Variants in TAFA1 observed in about 807,000 individuals in gnomAD.
TAFA1 encodes the protein TAFA chemokine like family member 1.
TAFA1 carries 4 observed loss-of-function variants against 18.5 expected under a neutral mutation model. The ratio of observed to expected loss-of-function variants is 0.22; its 90% CI spans 0.11 to 0.49. The LOEUF is 0.49. Among genes scored for constraint, TAFA1 ranks in the 20% least tolerant of loss-of-function variants. The pLI is 0.98. For synonymous variants in TAFA1, 56 were observed against 55.2 expected (o/e 1.01, Z -0.06); for missense variants, 147 against 169.0 (o/e 0.87, Z 0.72).
intron 2 of TAFA1, among the ~76,000 whole-genome samples, chr3:68,345,796 G>T (rs560271029): frequency 1.3e-5 from 2 of 152,278 alleles, no homozygotes; most frequent in Admixed American, 6.5e-5. Flanking sequence ...ATCCCATTGA[G>T]AATTTATACC....
intron 2 of TAFA1, among the ~76,000 whole-genome samples, chr3:68,158,694 A>C (rs989031015): frequency 6.6e-6 from 1 of 152,050 alleles, no homozygotes; most frequent in Non-Finnish European, 1.5e-5. Context: ...AGAAGGCCTC[A>C]CTTTGTGATG....
At chr3:68,396,116 T>C (rs2070379659) in intron 2 of TAFA1, among the ~76,000 whole-genome samples, 1 of 152,144 alleles carries the variant, frequency 6.6e-6, no homozygotes, top group Non-Finnish European at 1.5e-5. Flanking sequence ...GTGAGGACTT[T>C]TGATTTTGGT....
rs189746191 is a variant in TAFA1 at position 68,393,885 on chromosome 3, T to C, written c.119-23395T>C. Reference sequence around the variant, plus strand: ...ATCTCAAAATAATAAGAGCTATTTATGACAAAACCACAGCCAATATCATAC... The same window carrying C: ...ATCTCAAAATAATAAGAGCTATTTACGACAAAACCACAGCCAATATCATAC... On this transcript the variant is annotated intron_variant, in intron 2 of 4. Coordinates refer to ENST00000478136, the MANE Select transcript of TAFA1 (RefSeq NM_213609.4). 3.3e-5 allele frequency among the ~76,000 whole-genome samples: 5 copies of C among 152,270 alleles called. No homozygotes were observed. In the East Asian group the frequency reaches 9.6e-4, roughly 29 times the overall value.
intron 2 of TAFA1, among the ~76,000 whole-genome samples, chr3:68,084,083 T>C (rs1278561840): frequency 6.6e-6 from 1 of 152,166 alleles, no homozygotes; most frequent in Non-Finnish European, 1.5e-5. Context: ...GCTAATTGGC[T>C]GGGTACCCTC....
intron 2 of TAFA1, among the ~76,000 whole-genome samples, chr3:68,361,696 T>TAA (rs1216317271): frequency 6.6e-6 from 1 of 151,426 alleles, no homozygotes; most frequent in African/African-American, 2.4e-5. Context: ...CAGAACTGGG[T>TAA]AAGACATGAG....
intron 2 of TAFA1, among the ~76,000 whole-genome samples, chr3:68,244,015 A>AG (rs778571831): frequency 1.2e-4 from 18 of 152,082 alleles, no homozygotes; most frequent in Non-Finnish European, 1.8e-4. Flanking sequence ...TGTGGTTTTA[A>AG]TTTGCATTTT....
intron 2 of TAFA1, among the ~76,000 whole-genome samples, chr3:68,173,145 A>G (rs1373835581): frequency 1.3e-5 from 2 of 152,126 alleles, no homozygotes; most frequent in African/African-American, 4.8e-5. Flanking sequence ...TAAAAAAGCT[A>G]CATTCCATGA....
intron 2 of TAFA1, among the ~76,000 whole-genome samples, chr3:68,065,462 G>A (rs1259153939): frequency 6.6e-6 from 1 of 152,108 alleles, no homozygotes; most frequent in African/African-American, 2.4e-5. Context: ...GACTGATAGG[G>A]TCCCAGTGTC....
At chr3:68,259,329 G>A (rs941719918) in intron 2 of TAFA1, among the ~76,000 whole-genome samples, 1 of 152,108 alleles carries the variant, frequency 6.6e-6, no homozygotes, top group Non-Finnish European at 1.5e-5. Context: ...ACAAGAAAAG[G>A]GATTTAGTTT....
At chr3:68,012,447 G>GA (rs1227306198) in intron 2 of TAFA1, among the ~76,000 whole-genome samples, 1 of 152,076 alleles carries the variant, frequency 6.6e-6, no homozygotes, top group Non-Finnish European at 1.5e-5. Flanking sequence ...TACCCACGAG[G>GA]AAAAATGCCC....
intron 2 of TAFA1, among the ~76,000 whole-genome samples, chr3:68,333,352 A>G (rs1348044174): frequency 1.3e-5 from 2 of 152,216 alleles, no homozygotes; most frequent in Admixed American, 6.5e-5. Flanking sequence ...GGATGAAGGT[A>G]GAGACCTTTA....
chr3:68,419,458 A>G (rs1322014143), intron 3 of TAFA1, among the ~76,000 whole-genome samples: 8 of 152,292 alleles, frequency 5.3e-5, no homozygotes, highest in Admixed American at 2.0e-4. Context: ...CCAAATTTAG[A>G]CCACCACCTT....
intron 2 of TAFA1, among the ~76,000 whole-genome samples, chr3:68,397,537 C>T (rs550899271): frequency 1.3e-5 from 2 of 152,270 alleles, no homozygotes; most frequent in East Asian, 1.9e-4. Flanking sequence ...TTTATATGTG[C>T]CACATTTTCT....
chr3:68,010,796 T>G (rs139332002), intron 2 of TAFA1, among the ~76,000 whole-genome samples: 2 of 152,318 alleles, frequency 1.3e-5, no homozygotes, highest in African/African-American at 4.8e-5. Context: ...AAGTTTTTAT[T>G]TGGGGAATGA....
intron 2 of TAFA1, among the ~76,000 whole-genome samples, chr3:68,116,629 G>T (rs1370583002): frequency 6.6e-6 from 1 of 152,078 alleles, no homozygotes; most frequent in Non-Finnish European, 1.5e-5. Flanking sequence ...CTAGTTTCAG[G>T]TCATCAAAAT....
chr3:68,298,339 T>C (rs1444810778), intron 2 of TAFA1, among the ~76,000 whole-genome samples: 2 of 152,086 alleles, frequency 1.3e-5, no homozygotes, highest in African/African-American at 2.4e-5. Flanking sequence ...AGACTATAAA[T>C]AACCATGGAC....
chr3:68,309,127 C>A (rs542850855), intron 2 of TAFA1, among the ~76,000 whole-genome samples: 1 of 152,220 alleles, frequency 6.6e-6, no homozygotes, highest in East Asian at 1.9e-4. Context: ...TTTACCTTAC[C>A]CCTGGTACTC....
chr3:68,128,824 CAA>C (rs1202234223), intron 2 of TAFA1, among the ~76,000 whole-genome samples: 1 of 152,106 alleles, frequency 6.6e-6, no homozygotes, highest in East Asian at 1.9e-4. Context: ...TTCCAGGAAA[CAA>C]AGAAGAAAGA....
intron 2 of TAFA1, among the ~76,000 whole-genome samples, chr3:68,123,330 A>G (rs993062637): frequency 6.6e-6 from 1 of 152,088 alleles, no homozygotes; most frequent in African/African-American, 2.4e-5. Context: ...CATATTTCTC[A>G]AAGTACCTGG....
Sources: gnomAD v4.1 joint callset for allele counts (sites outside exome capture counted in the v4.1 genomes callset) on GRCh38, gnomAD v4.1.1 for gene constraint, MANE v1.5 for transcripts, NCBI Gene and HGNC (gene_info 2026-07-23, HGNC 2026-07-21) for gene names.